Variants in NID1 observed in about 807,000 individuals in gnomAD.
The protein encoded by NID1 is nidogen 1.
NID1 carries 76 observed loss-of-function variants against 130.6 expected under a neutral mutation model. The observed-to-expected ratio is 0.58, with a 90% CI of 0.48 to 0.70. The LOEUF is 0.70. Among genes scored for constraint, NID1 ranks in the 30% least tolerant of loss-of-function variants. The pLI is 0.00. For synonymous variants in NID1, 665 were observed against 675.1 expected (o/e 0.98, Z 0.23); for missense variants, 1,517 against 1,664.8 (o/e 0.91, Z 1.54).
intron 4 of NID1, among the ~76,000 whole-genome samples, chr1:236,041,207 A>G (rs1264054766): frequency 6.6e-6 from 1 of 152,108 alleles, no homozygotes; most frequent in Non-Finnish European, 1.5e-5. Flanking sequence ...AGCTAGGACT[A>G]CAGGCGTGTG....
intron 2 of NID1, among the ~76,000 whole-genome samples, chr1:236,048,101 AG>A (rs1477727870): frequency 6.9e-6 from 1 of 145,878 alleles, no homozygotes. Context: ...TGGGAGGCTG[AG>A]AAGGGTGGAT....
chr1:236,023,918 T>A lies in NID1; in HGVS notation c.2128+152A>T. Reference sequence around the variant, plus strand: ...CGAGTTTACCCACGGGAACAGTGAATGTGAAGCATAAATAATTCAGGCCTG... The same window carrying A: ...CGAGTTTACCCACGGGAACAGTGAAAGTGAAGCATAAATAATTCAGGCCTG... On this transcript the variant is annotated intron_variant, in intron 9 of 19. Transcript: ENST00000264187. 3 of 996,962 alleles carry A rather than the reference T, an allele frequency of 3.0e-6. No individual in the cohort carries two copies. The South Asian group carries it at 5.0e-5, about 17-fold the overall frequency. 61.8% of individuals were successfully genotyped at this position (996,962 alleles called of 1,614,324 possible). A position where few individuals can be genotyped will look rare whatever the true frequency, so the allele number is the denominator to read the frequency against.
intron 1 of NID1, among the ~76,000 whole-genome samples, chr1:236,054,260 A>G (rs1245262941): frequency 6.6e-6 from 1 of 152,204 alleles, no homozygotes; most frequent in Non-Finnish European, 1.5e-5. Context: ...GTTTGAGAGC[A>G]GCCCGGCCAA....
Position 235,977,585 on chromosome 1 carries a change from G to T in NID1, c.*282C>A. 1 of 361,270 alleles carries T rather than the reference G, an allele frequency of 2.8e-6. No homozygotes were observed. The highest frequency in any genetic ancestry group is 5.2e-6 in the Non-Finnish European group (1 of 193,834). 22.4% of individuals were successfully genotyped at this position (361,270 alleles called of 1,614,324 possible). A position where few individuals can be genotyped will look rare whatever the true frequency, so the allele number is the denominator to read the frequency against. ...ATTGGGAAAAGGTCCTAGGACACTG[G>T]GATGGGCATGTAATCCTCACTCAGG... On this transcript the variant is annotated 3_prime_UTR_variant, in exon 20 of 20. Coordinates refer to ENST00000264187, the MANE Select transcript of NID1 (RefSeq NM_002508.3).
chr1:236,063,018 G>A (rs1227488004), intron 1 of NID1, among the ~76,000 whole-genome samples: 1 of 151,792 alleles, frequency 6.6e-6, no homozygotes, highest in African/African-American at 2.4e-5. Flanking sequence ...GCCAGGCATG[G>A]TGGTGCGTGC....
intron 1 of NID1, among the ~76,000 whole-genome samples, chr1:236,056,044 G>A (rs1413792694): frequency 6.6e-6 from 1 of 152,004 alleles, no homozygotes; most frequent in East Asian, 1.9e-4. Context: ...AATGAGACAA[G>A]GTAGTCTCTC....
At chr1:235,993,994 GT>G (rs1430439409) in intron 12 of NID1, 122 bp from the exon 13 acceptor site, 6 of 770,142 alleles carry the variant, frequency 7.8e-6, no homozygotes, top group Non-Finnish European at 1.2e-5. Flanking sequence ...GTGTCACTGG[GT>G]TTTGTTTCAT....
chr1:236,016,570 C>T (rs1477731237), intron 10 of NID1, among the ~76,000 whole-genome samples: 2 of 152,108 alleles, frequency 1.3e-5, no homozygotes, highest in African/African-American at 4.8e-5. Context: ...TCGTGGCTGA[C>T]CCATCCTCAT....
At chr1:236,047,643 G>A (rs1470310282) in intron 2 of NID1, among the ~76,000 whole-genome samples, 2 of 152,074 alleles carry the variant, frequency 1.3e-5, no homozygotes, top group Non-Finnish European at 2.9e-5. Context: ...CCCAACTAGA[G>A]TCTGGGCTTT....
intron 1 of NID1, among the ~76,000 whole-genome samples, chr1:236,053,186 T>C (rs930674223): frequency 6.6e-6 from 1 of 152,222 alleles, no homozygotes; most frequent in Non-Finnish European, 1.5e-5. Context: ...TTTATTCATC[T>C]TAAATGTATG....
intron 9 of NID1, among the ~76,000 whole-genome samples, chr1:236,019,867 C>A (rs1185640337): frequency 6.6e-6 from 1 of 151,778 alleles, no homozygotes; most frequent in Non-Finnish European, 1.5e-5. Flanking sequence ...CATGGTGAAA[C>A]CCCATCTCTA....
Position 235,975,968 on chromosome 1 carries a change from T to C in NID1, c.*1899A>G, listed in dbSNP as rs1206778196. The C allele has an allele frequency of 6.6e-6, 1 of 152,604 alleles. No homozygotes were observed. The highest frequency in any genetic ancestry group is 6.5e-5 in the Admixed American group (1 of 15,280). 9.5% of individuals were successfully genotyped at this position (152,604 alleles called of 1,614,324 possible). On this transcript the variant is annotated 3_prime_UTR_variant, in exon 20 of 20. Coordinates refer to ENST00000264187, the MANE Select transcript of NID1 (RefSeq NM_002508.3). ...TTTCCACAGTTTAAGAATTTACCATTAAAAAATTTTAGAATAAATCTAATA... is the reference window on the plus strand; with the variant it reads ...TTTCCACAGTTTAAGAATTTACCATCAAAAAATTTTAGAATAAATCTAATA...
Position 235,979,703 on chromosome 1 carries a change from G to C in NID1, c.3509+119C>G, listed in dbSNP as rs1657375549. 9.3e-7 allele frequency: 1 copy of C among 1,081,052 alleles called. No individual in the cohort carries two copies. Among genetic ancestry groups the C allele is most frequent in the East Asian group, 2.5e-5 (1 of 40,216 alleles). The allele number at this position is 1,081,052 out of a possible 1,614,324, so 67.0% of individuals were successfully genotyped here. ...TAAGGGAGAGGGGACATCTCTAGAG[G>C]GGGCATTTCTGGAGGCTCAAAAGTC... On this transcript the variant is annotated intron_variant, in intron 18 of 19. Transcript: ENST00000264187. This position sits in a 1 kb window ranked among gnomAD's most constrained non-coding sequence, Gnocchi z 4.6.
chr1:236,011,847 G>A, intron 12 of NID1, 74 bp downstream of exon 12: 1 of 1,558,430 alleles, frequency 6.4e-7, no homozygotes, highest in Middle Eastern at 2.3e-4. Context: ...TTCATGGACA[G>A]GGCAATGGGC....
chr1:236,033,037 G>A (rs370334564), intron 5 of NID1, among the ~76,000 whole-genome samples: 3 of 152,338 alleles, frequency 2.0e-5, no homozygotes, highest in East Asian at 3.9e-4. Context: ...GATGGGCATG[G>A]TGGCTCATGC....
chr1:236,008,101 A>G (rs1449441053), intron 12 of NID1, among the ~76,000 whole-genome samples: 1 of 152,198 alleles, frequency 6.6e-6, no homozygotes, highest in African/African-American at 2.4e-5. Context: ...GCTTCATGAA[A>G]CAATACTTAC....
At chr1:236,053,549 C>T (rs1659819206) in intron 1 of NID1, among the ~76,000 whole-genome samples, 1 of 152,150 alleles carries the variant, frequency 6.6e-6, no homozygotes, top group Non-Finnish European at 1.5e-5. Context: ...TCCTGGCATC[C>T]CCTCCAGTGG....
In NID1 at chr1:236,045,600, G is replaced by A; in HGVS notation, c.609C>T (p.Phe203=). Residue 203 remains phenylalanine (F), a synonymous_variant, in exon 3 of 20, where the codon TTC becomes TTT. Transcript: ENST00000264187. ...TTTCCTTCTTTGAGAATGTCGTATG[G>A]AACTGCAGACCATCCTCAGGATAAA... ...IFLYPEDGLQ[F]HTTFSKKENN... The A allele has an allele frequency of 6.2e-7, 1 of 1,614,186 alleles. No individual in the cohort carries two copies. Among genetic ancestry groups the A allele is most frequent in the Admixed American group, 1.7e-5 (1 of 60,024 alleles).
intron 12 of NID1, among the ~76,000 whole-genome samples, chr1:236,003,511 G>C (rs183394470): frequency 8.5e-5 from 13 of 152,286 alleles, no homozygotes; most frequent in Non-Finnish European, 1.8e-4. Context: ...TGTTGTCCTG[G>C]ATACCAAATG....
Sources: allele counts gnomAD v4.1 joint callset (sites outside exome capture counted in the v4.1 genomes callset), GRCh38; gene constraint gnomAD v4.1.1; non-coding constraint Gnocchi (gnomAD v3.1); transcripts MANE v1.5; gene names NCBI Gene and HGNC (gene_info 2026-07-23, HGNC 2026-07-21).